Variants in ZNF521 observed in about 807,000 individuals in gnomAD.
ZNF521 encodes zinc finger protein 521.
ZNF521 carries 14 observed loss-of-function variants against 105.5 expected under a neutral mutation model. The observed-to-expected ratio is 0.13, with a 90% CI of 0.09 to 0.21. ZNF521 has a LOEUF of 0.21. Among genes scored for constraint, ZNF521 ranks in the 10% least tolerant of loss-of-function variants. The probability of loss-of-function intolerance (pLI) is 1.00; values close to 1 mark genes in which losing one functional copy is unlikely to be tolerated. For synonymous variants in ZNF521, 635 were observed against 606.0 expected, an observed-to-expected ratio of 1.05 and a Z score of -0.70; for missense variants, 1,233 against 1,629.7, an observed-to-expected ratio of 0.76 and a Z score of 4.19.
intron 7 of ZNF521, among the ~76,000 whole-genome samples, chr18:25,077,426 G>T (rs959923024): frequency 6.6e-6 from 1 of 152,108 alleles, no homozygotes; most frequent in Non-Finnish European, 1.5e-5. Flanking sequence ...GAGCAAGCAC[G>T]CCCTTCCTTT....
At chr18:25,158,137 G>A (rs1320291815) in intron 5 of ZNF521, among the ~76,000 whole-genome samples, 3 of 152,068 alleles carry the variant, frequency 2.0e-5, no homozygotes, top group Non-Finnish European at 2.9e-5. Flanking sequence ...TTGTGGTTTC[G>A]TTAAATACTT....
chr18:25,350,472 C>T (rs1381912442), intron 2 of ZNF521, among the ~76,000 whole-genome samples: 1 of 152,156 alleles, frequency 6.6e-6, no homozygotes, highest in Non-Finnish European at 1.5e-5. Flanking sequence ...TGACTTTTTT[C>T]TTCTTCCAAA....
chr18:25,252,143 C>T (rs904592558), intron 3 of ZNF521, among the ~76,000 whole-genome samples: 11 of 152,050 alleles, frequency 7.2e-5, no homozygotes, highest in African/African-American at 2.7e-4. Flanking sequence ...CTTACTGCTC[C>T]CAGTTTACTA....
intron 5 of ZNF521, among the ~76,000 whole-genome samples, chr18:25,101,501 A>C (rs1213719117): frequency 6.6e-6 from 1 of 152,154 alleles, no homozygotes; most frequent in Non-Finnish European, 1.5e-5. Flanking sequence ...TTTAAAATGA[A>C]ATGTGCATGT....
Position 25,098,150 on chromosome 18 carries a change from T to C in ZNF521, c.3659-6069A>G, listed in dbSNP as rs561542133. 2.6e-5 allele frequency among the ~76,000 whole-genome samples: 4 copies of C among 152,264 alleles called. No homozygotes were observed. In the South Asian group the frequency reaches 8.3e-4, roughly 32 times the overall value. On this transcript the variant is annotated intron_variant, in intron 5 of 7. Transcript: ENST00000361524. Reference sequence around the variant, plus strand: ...TGAAGTACTTATTAGAATATTCTCATGTAGGAGAAAACATTGGAATGTTGT... The same window carrying C: ...TGAAGTACTTATTAGAATATTCTCACGTAGGAGAAAACATTGGAATGTTGT...
intron 4 of ZNF521, among the ~76,000 whole-genome samples, chr18:25,223,654 C>T (rs141223985): frequency 1.8e-3 from 266 of 151,178 alleles, no homozygotes; most frequent in African/African-American, 5.8e-3. Flanking sequence ...GTACTCGTCA[C>T]GGCAAAGAAA....
chr18:25,316,847 CT>C (rs200212987), intron 3 of ZNF521, among the ~76,000 whole-genome samples: 13,678 of 123,566 alleles, frequency 0.11, 258 homozygotes, highest in South Asian at 0.18. Context: ...GCAAGTAAGA[CT>C]TTTTTTTTTT....
At chr18:25,285,966 A>C (rs149458117) in intron 3 of ZNF521, among the ~76,000 whole-genome samples, 1 of 152,354 alleles carries the variant, frequency 6.6e-6, no homozygotes, top group Non-Finnish European at 1.5e-5. Flanking sequence ...GCCGATATTA[A>C]ATCCAACTTC....
intron 2 of ZNF521, among the ~76,000 whole-genome samples, chr18:25,347,000 CA>C (rs201837955): frequency 2.7e-5 from 4 of 150,724 alleles, no homozygotes; most frequent in African/African-American, 9.7e-5. Context: ...GAGTAAATTT[CA>C]AAAAAAAATT....
At chr18:25,094,629 C>T (rs914058430) in intron 5 of ZNF521, among the ~76,000 whole-genome samples, 1 of 152,004 alleles carries the variant, frequency 6.6e-6, no homozygotes, top group South Asian at 2.1e-4. Flanking sequence ...TTTTAAGTTA[C>T]ACTGTGAGGT....
At chr18:25,304,320 G>T (rs1342928693) in intron 3 of ZNF521, among the ~76,000 whole-genome samples, 1 of 152,168 alleles carries the variant, frequency 6.6e-6, no homozygotes, top group Non-Finnish European at 1.5e-5. Flanking sequence ...TTCTAAAACT[G>T]TCACAACCTA....
intron 3 of ZNF521, among the ~76,000 whole-genome samples, chr18:25,246,911 T>A (rs1453988392): frequency 6.6e-6 from 1 of 152,172 alleles, no homozygotes; most frequent in African/African-American, 2.4e-5. Context: ...TCCTAAGGAC[T>A]CTCCTGCTTG....
intron 4 of ZNF521, among the ~76,000 whole-genome samples, chr18:25,203,971 G>A (rs377710408): frequency 2.0e-5 from 3 of 152,152 alleles, no homozygotes; most frequent in South Asian, 2.1e-4. Context: ...GAGTTCTCAC[G>A]AGATGCGGTC....
At position 25,230,711 on chromosome 18, in the gene ZNF521, A is replaced by T. The variant is rs79445618; in HGVS notation, c.221-3014T>A. 1.7e-3 allele frequency among the ~76,000 whole-genome samples: 252 copies of T among 152,258 alleles called. 2 individuals carry two copies. The East Asian group carries it at 0.019, about 11-fold the overall frequency. ...TTCTGGGTGATGGCAAGTTTTCTGC[A>T]TTTCAATGTGAAGTACTTAACATGT... On this transcript the variant is annotated intron_variant, in intron 3 of 7. Transcript: ENST00000361524.
chr18:25,263,356 C>CTT (rs57232409), intron 3 of ZNF521, among the ~76,000 whole-genome samples: 3 of 147,760 alleles, frequency 2.0e-5, no homozygotes, highest in African/African-American at 7.4e-5. Context: ...CAATAACTTG[C>CTT]TTTTTTTTTT....
At chr18:25,159,616 G>T (rs2035213980) in intron 5 of ZNF521, among the ~76,000 whole-genome samples, 2 of 152,182 alleles carry the variant, frequency 1.3e-5, no homozygotes, top group Admixed American at 1.3e-4. Flanking sequence ...CTGATTGAGT[G>T]GGTCACTGCA....
chr18:25,126,564 A>G (rs1292798950), intron 5 of ZNF521, among the ~76,000 whole-genome samples: 1 of 152,126 alleles, frequency 6.6e-6, no homozygotes, highest in African/African-American at 2.4e-5. Flanking sequence ...TGAAGTAAGT[A>G]AAGTCACTCA....
chr18:25,349,564 C>A (rs1335111068), intron 2 of ZNF521, among the ~76,000 whole-genome samples: 1 of 152,148 alleles, frequency 6.6e-6, no homozygotes, highest in Admixed American at 6.5e-5. Flanking sequence ...GCGGTGAGGG[C>A]TCCGTTCATC....
intron 2 of ZNF521, 103 bp from the exon 3 acceptor site, chr18:25,322,290 A>C (rs765094616): frequency 8.6e-7 from 1 of 1,167,650 alleles, no homozygotes; most frequent in South Asian, 1.2e-5. Context: ...TTTTCCTTGA[A>C]GTTGCAATAG....
Sources: gnomAD v4.1 joint callset for allele counts (sites outside exome capture counted in the v4.1 genomes callset) on GRCh38, gnomAD v4.1.1 for gene constraint, MANE v1.5 for transcripts, NCBI Gene and HGNC (gene_info 2026-07-23, HGNC 2026-07-21) for gene names.